The following TLL2 variants were observed in gnomAD, a reference collection of about 807,000 sequenced individuals.
TLL2 encodes tolloid like 2.
Under a neutral mutation model 123.0 loss-of-function variants are expected in TLL2, and 106 were observed. The observed-to-expected ratio is 0.86, with a 90% CI of 0.74 to 1.01. The LOEUF is 1.01. Ranked by LOEUF, TLL2 falls within the 50% of genes least tolerant of loss-of-function variation. TLL2 has a pLI of 0.00. For synonymous variants in TLL2, 494 were observed against 516.8 expected (o/e 0.96, Z 0.60); for missense variants, 1,332 against 1,336.7 (o/e 1.00, Z 0.06).
At chr10:96,502,689 G>T (rs1847546130) in intron 1 of TLL2, among the ~76,000 whole-genome samples, 1 of 146,874 alleles carries the variant, frequency 6.8e-6, no homozygotes, top group South Asian at 2.1e-4. Context: ...AGGGAGGAGA[G>T]GCGACCCTGC....
chr10:96,465,635 C>T (rs571165917), intron 2 of TLL2, among the ~76,000 whole-genome samples: 84 of 152,330 alleles, frequency 5.5e-4, no homozygotes, highest in African/African-American at 1.9e-3. Context: ...GAAAAACAGC[C>T]TTGACCAATG....
rs767556303 is a variant in TLL2, at chr10:96,432,890, C to T, written c.437G>A (p.Arg146Gln). Reference sequence around the variant, plus strand: ...CCTTGAGGTTGTGGCTCTTCGGACCCGGGGAGAGAAGGTCTTGGCTGCGGC... The same window carrying T: ...CCTTGAGGTTGTGGCTCTTCGGACCTGGGGAGAGAAGGTCTTGGCTGCGGC... Reference protein sequence around the residue: ...LHAAAKTFSPRVRRATTSRTE... With the variant: ...LHAAAKTFSPQVRRATTSRTE... The change falls in exon 4 of 21, where the codon CGG (arginine) becomes CAG (glutamine). Residue 146 changes from arginine (R) to glutamine (Q), a missense_variant. Coordinates refer to ENST00000357947, the MANE Select transcript of TLL2 (RefSeq NM_012465.4). The T allele has an allele frequency of 2.7e-5, 44 of 1,613,974 alleles. No individual in the cohort carries two copies. The highest frequency in any genetic ancestry group is 3.4e-5 in the Non-Finnish European group (40 of 1,180,020).
chr10:96,382,793 G>T (rs190506487), intron 16 of TLL2, among the ~76,000 whole-genome samples: 1 of 152,172 alleles, frequency 6.6e-6, no homozygotes, highest in Admixed American at 6.5e-5. Context: ...ATACATTTCT[G>T]TTCACTATAA....
At chr10:96,505,635 T>C (rs1266227138) in intron 1 of TLL2, among the ~76,000 whole-genome samples, 2 of 152,178 alleles carry the variant, frequency 1.3e-5, no homozygotes, top group Non-Finnish European at 2.9e-5. Context: ...CGTGGAGTGG[T>C]AGAGCCAGTA....
intron 2 of TLL2, among the ~76,000 whole-genome samples, chr10:96,464,303 G>T (rs12571784): frequency 0.4 from 61,392 of 151,754 alleles, 12,614 homozygotes; most frequent in East Asian, 0.54. Context: ...AGAATCACGT[G>T]ATCCCAGGAG....
At chr10:96,387,187 G>T in intron 13 of TLL2, 109 bp from the exon 14 acceptor site, 1 of 1,484,080 alleles carries the variant, frequency 6.7e-7, no homozygotes. Flanking sequence ...ATAAACAGGA[G>T]CCACTCCTGG....
At chr10:96,411,910 T>C (rs1846511683) in intron 8 of TLL2, among the ~76,000 whole-genome samples, 1 of 152,172 alleles carries the variant, frequency 6.6e-6, no homozygotes, top group South Asian at 2.1e-4. Context: ...TCATGAGGAT[T>C]ATGCCTGGCA....
chr10:96,489,743 T>C lies in TLL2; in HGVS notation c.176-9284A>G, dbSNP rs187449702. ...CATAAATAATACAAATTGTAAATGA[T>C]ACAATACAAACAACTATATGTTACT... On this transcript the variant is annotated intron_variant, in intron 1 of 20. Coordinates refer to ENST00000357947, the MANE Select transcript of TLL2 (RefSeq NM_012465.4). Among the ~76,000 whole-genome samples, 358 of 152,308 alleles carry C rather than the reference T, an allele frequency of 2.4e-3. 6 individuals carry two copies. The highest frequency in any genetic ancestry group is 9.6e-4 in the East Asian group (5 of 5,186).
chr10:96,413,400 C>A, intron 7 of TLL2, 84 bp from the exon 8 acceptor site: 1 of 1,506,434 alleles, frequency 6.6e-7, no homozygotes, highest in Non-Finnish European at 8.9e-7. Flanking sequence ...CATTCCCTTG[C>A]CCATAACCCC....
intron 10 of TLL2, among the ~76,000 whole-genome samples, chr10:96,401,207 C>T (rs896248857): frequency 1.3e-5 from 2 of 152,174 alleles, no homozygotes; most frequent in African/African-American, 4.8e-5. Context: ...TCCATTATGC[C>T]TGGATTTTCA....
At chr10:96,487,123 C>T (rs942652822) in intron 1 of TLL2, among the ~76,000 whole-genome samples, 3 of 152,210 alleles carry the variant, frequency 2.0e-5, no homozygotes, top group East Asian at 3.8e-4. Flanking sequence ...TGTGTGACCT[C>T]GGGTAACTCA....
intron 3 of TLL2, among the ~76,000 whole-genome samples, chr10:96,437,220 T>C (rs1033449355): frequency 2.8e-4 from 42 of 152,226 alleles, no homozygotes; most frequent in Non-Finnish European, 2.1e-4. Flanking sequence ...ATTGAAATTT[T>C]TATTTAGATA....
intron 1 of TLL2, among the ~76,000 whole-genome samples, chr10:96,504,621 A>T (rs946826467): frequency 1.3e-5 from 2 of 152,172 alleles, no homozygotes; most frequent in Non-Finnish European, 2.9e-5. Flanking sequence ...CAGAATTGGC[A>T]CCATTAGAAA....
chr10:96,388,383 G>A (rs1366658541), intron 13 of TLL2, among the ~76,000 whole-genome samples: 3 of 152,100 alleles, frequency 2.0e-5, no homozygotes, highest in Non-Finnish European at 4.4e-5. Flanking sequence ...CCTGGGCAAC[G>A]GAGCAAGACT....
chr10:96,427,994 AT>A (rs144554702), intron 5 of TLL2, among the ~76,000 whole-genome samples: 45,749 of 151,860 alleles, frequency 0.3, 7,170 homozygotes, highest in Non-Finnish European at 0.36. Context: ...GGGTTTCACC[AT>A]TGTTGGTCAG....
At chr10:96,456,167 C>T (rs367837974) in intron 2 of TLL2, among the ~76,000 whole-genome samples, 9 of 152,262 alleles carry the variant, frequency 5.9e-5, no homozygotes, top group African/African-American at 2.2e-4. Flanking sequence ...TACCGATAGC[C>T]TTTATAATAC....
chr10:96,376,559 T>C (rs1314075134), intron 18 of TLL2, 133 bp downstream of exon 18: 4 of 962,022 alleles, frequency 4.2e-6, no homozygotes, highest in Non-Finnish European at 6.0e-6. Flanking sequence ...GTTTTCCAGA[T>C]AATGAAACTG....
chr10:96,468,958 T>C (rs1044324483), intron 2 of TLL2, among the ~76,000 whole-genome samples: 6 of 152,256 alleles, frequency 3.9e-5, no homozygotes, highest in Non-Finnish European at 8.8e-5. Context: ...TATGCTGCAT[T>C]CTTTTTCCTT....
chr10:96,423,069 A>T (rs755478975), intron 5 of TLL2, among the ~76,000 whole-genome samples: 1 of 151,002 alleles, frequency 6.6e-6, no homozygotes, highest in Non-Finnish European at 1.5e-5. Context: ...CAGAGGTTGC[A>T]GTGAGCCAAG....
Sources: allele counts gnomAD v4.1 joint callset (sites outside exome capture counted in the v4.1 genomes callset), GRCh38; gene constraint gnomAD v4.1.1; transcripts MANE v1.5; gene names NCBI Gene and HGNC (gene_info 2026-07-23, HGNC 2026-07-21).